CPHXL2: variants seen among roughly 807,000 people sequenced by gnomAD.
The protein encoded by CPHXL2 is cytoplasmic polyadenylated homeobox-like protein 2.
At chr16:75,663,885 C>CAA in the CPHXL2 span, among the ~76,000 whole-genome samples, 9,877 of 85,090 alleles carry the variant, frequency 0.12, 532 homozygotes, top group Middle Eastern at 0.27. Flanking sequence ...GACTCTGTCT[C>CAA]AAAAAAAAAA....
the CPHXL2 span, among the ~76,000 whole-genome samples, chr16:75,673,778 A>T: frequency 6.6e-6 from 1 of 151,398 alleles, no homozygotes; most frequent in African/African-American, 2.4e-5. Context: ...CAGGAGTTTG[A>T]GATCAGCCTG....
chr16:75,671,828 G>C, the CPHXL2 span, among the ~76,000 whole-genome samples: 11 of 152,310 alleles, frequency 7.2e-5, no homozygotes, highest in Non-Finnish European at 1.3e-4. Flanking sequence ...AAGTGTGACT[G>C]AAAAAGAGAG....
chr16:75,676,307 GA>G, the CPHXL2 span, among the ~76,000 whole-genome samples: 2 of 150,672 alleles, frequency 1.3e-5, no homozygotes, highest in East Asian at 3.9e-4. Context: ...TGTGAGCTAG[GA>G]AAAAAAAATA....
At chr16:75,662,184 A>G in the CPHXL2 span, among the ~76,000 whole-genome samples, 1 of 152,168 alleles carries the variant, frequency 6.6e-6, no homozygotes, top group Admixed American at 6.5e-5. Context: ...GTTTGTTACA[A>G]AGGATATAGA....
chr16:75,676,160 TAAC>T, the CPHXL2 span, among the ~76,000 whole-genome samples: 1 of 152,078 alleles, frequency 6.6e-6, no homozygotes, highest in Admixed American at 6.6e-5. Flanking sequence ...GGGTCATCAA[TAAC>T]AATAAACCTA....
chr16:75,666,505 G>C, the CPHXL2 span, among the ~76,000 whole-genome samples: 1 of 151,714 alleles, frequency 6.6e-6, no homozygotes, highest in Non-Finnish European at 1.5e-5. Flanking sequence ...CTACGTGGGA[G>C]GCTGAGGCAG....
the CPHXL2 span, chr16:75,661,174 C>T: frequency 5.5e-5 from 22 of 400,646 alleles, no homozygotes; most frequent in South Asian, 1.3e-4. Context: ...ACTGGGAAAT[C>T]GTGTTTTTTC....
At chr16:75,668,234 T>A in the CPHXL2 span, among the ~76,000 whole-genome samples, 291 of 119,050 alleles carry the variant, frequency 2.4e-3, 1 homozygote, top group East Asian at 0.015. Context: ...CATATATATT[T>A]TTTTTTTTTT....
the CPHXL2 span, among the ~76,000 whole-genome samples, chr16:75,674,270 G>A: frequency 6.6e-6 from 1 of 150,774 alleles, no homozygotes; most frequent in Admixed American, 6.6e-5. Context: ...CTACTCGGGA[G>A]GCTGAGGCAG....
chr16:75,661,004 A>G, the CPHXL2 span: 2 of 399,894 alleles, frequency 5.0e-6, no homozygotes, highest in African/African-American at 2.1e-5. Context: ...AAGAGAAGCA[A>G]TTGTAGCCCA....
At chr16:75,670,382 A>G in the CPHXL2 span, among the ~76,000 whole-genome samples, 1 of 152,214 alleles carries the variant, frequency 6.6e-6, no homozygotes, top group African/African-American at 2.4e-5. Context: ...TCTGGGTGCC[A>G]CTAAGTTCTC....
chr16:75,671,361 CAAAAAAAA>C, the CPHXL2 span, among the ~76,000 whole-genome samples: 35 of 126,396 alleles, frequency 2.8e-4, no homozygotes, highest in Admixed American at 1.6e-4. Flanking sequence ...GACTCTGTAT[CAAAAAAAA>C]AAAAAAAAAA....
the CPHXL2 span, among the ~76,000 whole-genome samples, chr16:75,662,453 G>A: frequency 1.3e-5 from 2 of 151,508 alleles, no homozygotes. Context: ...TGGAGGGTGG[G>A]GCTGAAAGTC....
chr16:75,676,986 C>T, the CPHXL2 span: 1 of 398,542 alleles, frequency 2.5e-6, no homozygotes, highest in Non-Finnish European at 4.4e-6. Flanking sequence ...AAGGCACTCA[C>T]CTTGGGAAGA....
At chr16:75,675,599 T>C in the CPHXL2 span, among the ~76,000 whole-genome samples, 321 of 152,288 alleles carry the variant, frequency 2.1e-3, 1 homozygote, top group African/African-American at 7.6e-3. Flanking sequence ...CCACTGAGGC[T>C]ACCTTCACGC....
the CPHXL2 span, among the ~76,000 whole-genome samples, chr16:75,670,073 C>G: frequency 6.6e-6 from 1 of 152,084 alleles, no homozygotes; most frequent in Non-Finnish European, 1.5e-5. Flanking sequence ...TGCCACTACG[C>G]CCAGCTAATT....
At chr16:75,676,171 C>T in the CPHXL2 span, among the ~76,000 whole-genome samples, 1 of 152,128 alleles carries the variant, frequency 6.6e-6, no homozygotes, top group Admixed American at 6.5e-5. Flanking sequence ...AACAATAAAC[C>T]TAAGCCTAAC....
chr16:75,674,049 C>T, the CPHXL2 span, among the ~76,000 whole-genome samples: 1 of 146,424 alleles, frequency 6.8e-6, no homozygotes, highest in African/African-American at 2.5e-5. Context: ...GACGAAAATA[C>T]TTATGAATAA....
At chr16:75,660,984 T>C in the CPHXL2 span, 1 of 399,170 alleles carries the variant, frequency 2.5e-6, no homozygotes, top group Non-Finnish European at 4.4e-6. Flanking sequence ...GGGAGTCTCT[T>C]GGTTCTCCAA....
Sources: allele counts gnomAD v4.1 joint callset (sites outside exome capture counted in the v4.1 genomes callset), GRCh38; gene constraint gnomAD v4.1.1; transcripts MANE v1.5; gene names NCBI Gene and HGNC (gene_info 2026-07-23, HGNC 2026-07-21).